CHD5: variants seen among roughly 807,000 people sequenced by gnomAD.
The protein encoded by CHD5 is ATP-dependent chromatin remodeler CHD5.
CHD5 carries 69 observed loss-of-function variants against 230.3 expected under a neutral mutation model. The ratio of observed to expected loss-of-function variants is 0.30; its 90% CI spans 0.25 to 0.37. The LOEUF is 0.37. Among genes scored for constraint, CHD5 ranks in the 10% least tolerant of loss-of-function variants. The pLI, the probability that CHD5 is intolerant of heterozygous loss-of-function variation, is 1.00. For synonymous variants in CHD5, 1,064 were observed against 1,065.9 expected, an observed-to-expected ratio of 1.00 and a Z score of 0.03; for missense variants, 1,827 against 2,622.8, an observed-to-expected ratio of 0.70 and a Z score of 6.63.
At chr1:6,179,853 G>GCGCCGCCCC (rs1667486508) in intron 1 of CHD5, 92 bp downstream of exon 1, 1 of 539,150 alleles carries the variant, frequency 1.9e-6, no homozygotes, top group Non-Finnish European at 2.3e-6. Context: ...CAGCCCGGCC[G>GCGCCGCCCC]CGCCGCCCCC....
At chr1:6,148,776 G>A in intron 9 of CHD5, 78 bp downstream of exon 9, 2 of 1,273,056 alleles carry the variant, frequency 1.6e-6, no homozygotes, top group East Asian at 2.9e-5. Flanking sequence ...TTTTGAGGAG[G>A]GCAGGCCTTC....
In CHD5 at chr1:6,128,754, G is replaced by T; in HGVS notation, c.3619+84C>A. 1 of 1,314,274 alleles carries T rather than the reference G, an allele frequency of 7.6e-7. No individual in the cohort carries two copies. Among genetic ancestry groups the T allele is most frequent in the Non-Finnish European group, 1.1e-6 (1 of 926,302 alleles). 81.4% of individuals were successfully genotyped at this position (1,314,274 alleles called of 1,614,324 possible). A position where few individuals can be genotyped will look rare whatever the true frequency, so the allele number is the denominator to read the frequency against. ...GAAGAGAGGCTGTGTGTTGGAGCGG[G>T]CAGGGACCCAAGCAAGCCCTGGATG... On this transcript the variant is annotated intron_variant, in intron 23 of 41. Transcript: ENST00000262450. The surrounding 1 kb of genome is among the most constrained non-coding windows in gnomAD (Gnocchi z 7.8).
At chr1:6,170,279 C>G (rs2100884109) in intron 1 of CHD5, among the ~76,000 whole-genome samples, 1 of 152,268 alleles carries the variant, frequency 6.6e-6, no homozygotes, top group South Asian at 2.1e-4. Flanking sequence ...ACCTGTCACC[C>G]TCCACACAGG....
intron 11 of CHD5, among the ~76,000 whole-genome samples, chr1:6,144,647 G>A (rs1666882127): frequency 1.3e-5 from 2 of 152,222 alleles, no homozygotes; most frequent in Admixed American, 6.5e-5. Flanking sequence ...CTCTTCTGGG[G>A]ACACAAAGAC....
rs957642989 is a variant in CHD5 at position 6,128,276 on chromosome 1, T to C, written c.3731-58A>G. ...AGACTGCCCTGGTCCAGCCCCGGGG[T>C]CCCAGGAACAGACTCCCAACAATGG... On this transcript the variant is annotated intron_variant, in intron 24 of 41. Coordinates refer to ENST00000262450, the MANE Select transcript of CHD5 (RefSeq NM_015557.3). The surrounding 1 kb of genome is among the most constrained non-coding windows in gnomAD (Gnocchi z 7.8). 95 of 1,546,350 alleles carry C rather than the reference T, an allele frequency of 6.1e-5. No homozygotes were observed. In the South Asian group the frequency reaches 7.5e-4, roughly 12 times the overall value.
rs1666643362 is a variant in CHD5 at position 6,130,864 on chromosome 1, A to T, written c.3263-536T>A. Among the ~76,000 whole-genome samples, 1 of 152,164 alleles carries T rather than the reference A, an allele frequency of 6.6e-6. No homozygotes were observed. Among genetic ancestry groups the T allele is most frequent in the South Asian group, 2.1e-4 (1 of 4,836 alleles). On this transcript the variant is annotated intron_variant, in intron 21 of 41. Transcript: ENST00000262450. This position sits in a 1 kb window ranked among gnomAD's most constrained non-coding sequence, Gnocchi z 4.9. ...GACCACAGCCCCCACTGGAGCTGCA[A>T]ACAGGCCCCTGGCACACCCAGGGCT...
chr1:6,161,145 AAGGGTGGCAGAAGGAAAG>A (rs1667171696), intron 2 of CHD5, among the ~76,000 whole-genome samples: 1 of 150,424 alleles, frequency 6.6e-6, no homozygotes, highest in African/African-American at 2.5e-5. Flanking sequence ...AAGGAAAGGA[AAGGGTGGCAGAAGGAAAG>A]AGAATGAGGA....
At chr1:6,147,261 T>C (rs1203138711) in intron 9 of CHD5, among the ~76,000 whole-genome samples, 1 of 152,152 alleles carries the variant, frequency 6.6e-6, no homozygotes, top group Non-Finnish European at 1.5e-5. Flanking sequence ...GTCTTCCCAT[T>C]GCCCCCTGAA....
At chr1:6,148,600 A>G (rs937427787) in intron 9 of CHD5, among the ~76,000 whole-genome samples, 1 of 152,168 alleles carries the variant, frequency 6.6e-6, no homozygotes, top group Non-Finnish European at 1.5e-5. Context: ...TGGCATGATC[A>G]CCACACCTGT....
At chr1:6,151,269 T>C in intron 6 of CHD5, 114 bp from the exon 7 acceptor site, 1 of 1,259,182 alleles carries the variant, frequency 7.9e-7, no homozygotes, top group Non-Finnish European at 1.1e-6. Context: ...CACAGTGCTC[T>C]CTGTGATTCA....
rs1222788379 is a variant in CHD5, at chr1:6,179,959, T to C, written c.65A>G (p.Glu22Gly). 2.2e-6 allele frequency: 3 copies of C among 1,363,014 alleles called. No individual in the cohort carries two copies. Among genetic ancestry groups the C allele is most frequent in the Non-Finnish European group, 2.9e-6 (3 of 1,042,812 alleles). The allele number at this position is 1,363,014 out of a possible 1,614,324, so 84.4% of individuals were successfully genotyped here. A position where few individuals can be genotyped will look rare whatever the true frequency, so the allele number is the denominator to read the frequency against. Residue 22 changes from glutamate to glycine, a missense_variant, in exon 1 of 42, where the codon GAG becomes GGG. Transcript: ENST00000262450. ...PRLFAEEMEN[E>G]DEMSEEEDGG... ...GCCCCGCTCACCTGACATCTCGTCC[T>C]CATTCTCCATCTCCTCGGCGAACAG... is the stretch of plus-strand genomic sequence containing the variant.
rs758113120 is a variant in CHD5, at chr1:6,136,848, T to C, written c.2454A>G (p.Lys818=). Residue 818 remains lysine (K), a synonymous_variant, in exon 16 of 42, where the codon AAA becomes AAG. Coordinates refer to ENST00000262450, the MANE Select transcript of CHD5 (RefSeq NM_015557.3). ...CATAGGAGGTGAGCAGCACGTGGAA[T>C]TTGATCTGCACTTCTTTCTGGAGAA... is the stretch of plus-strand genomic sequence containing the variant. ...VFRMKKEVQI[K]FHVLLTSYEL... 6.2e-7 allele frequency: 1 copy of C among 1,610,006 alleles called. No homozygotes were observed. The highest frequency in any genetic ancestry group is 2.2e-5 in the East Asian group (1 of 44,744).
Position 6,159,392 on chromosome 1 carries a change from C to T in CHD5, c.331G>A (p.Ala111Thr). The T allele has an allele frequency of 6.4e-7, 1 of 1,553,260 alleles. No homozygotes were observed. The highest frequency in any genetic ancestry group is 1.4e-5 in the African/African-American group (1 of 73,204). Residue 111 changes from alanine (A) to threonine (T), a missense_variant, in exon 3 of 42, where the codon GCC becomes ACC. This residue lies in a region of CHD5 where 657 missense variants were observed against 816.4 expected (regional missense o/e 0.80). Coordinates refer to ENST00000262450, the MANE Select transcript of CHD5 (RefSeq NM_015557.3). Reference protein sequence around the residue: ...KKLKDKKEKKAKRKKKDEDED... With the variant: ...KKLKDKKEKKTKRKKKDEDED... ...TCCTCATCCTTCTTTTTTCGCTTGG[C>T]TTTTTTCTCCTTCTTGTCCTTGAGT...
intron 6 of CHD5, among the ~76,000 whole-genome samples, chr1:6,151,792 C>CT (rs1158082109): frequency 2.6e-5 from 4 of 152,004 alleles, no homozygotes; most frequent in African/African-American, 9.7e-5. Context: ...CCAACTCCAC[C>CT]CACCGCAGGG....
intron 15 of CHD5, among the ~76,000 whole-genome samples, chr1:6,141,726 G>A (rs115354623): frequency 0.014 from 2,147 of 152,296 alleles, 43 homozygotes; most frequent in African/African-American, 0.048. Flanking sequence ...GACACAAACG[G>A]GAAAACCCCA....
chr1:6,138,685 T>C (rs2785585), intron 15 of CHD5, among the ~76,000 whole-genome samples: 2 of 152,068 alleles, frequency 1.3e-5, no homozygotes, highest in Middle Eastern at 3.2e-3. Context: ...TGCTATGAGA[T>C]CTCAAAGAGC....
Position 6,105,458 on chromosome 1 carries a change from G to A in CHD5, c.*47-31C>T. The A allele has an allele frequency of 2.1e-6, 1 of 469,558 alleles. No individual in the cohort carries two copies. Among genetic ancestry groups the A allele is most frequent in the South Asian group, 1.6e-5 (1 of 64,318 alleles). The allele number at this position is 469,558 out of a possible 1,614,324, so 29.1% of individuals were successfully genotyped here. A position where few individuals can be genotyped will look rare whatever the true frequency, so the allele number is the denominator to read the frequency against. On this transcript the variant is annotated intron_variant, in intron 41 of 41. Coordinates refer to ENST00000262450, the MANE Select transcript of CHD5 (RefSeq NM_015557.3). This position sits in a 1 kb window ranked among gnomAD's most constrained non-coding sequence, Gnocchi z 4.8. Reference sequence around the variant, plus strand: ...AAACGCAAATCAGTGGGTTAAGCAGGTGGGCAGTTATAGGGGGCATCAGGG... The same window carrying A: ...AAACGCAAATCAGTGGGTTAAGCAGATGGGCAGTTATAGGGGGCATCAGGG...
chr1:6,109,462 C>T (rs952608626), intron 38 of CHD5, among the ~76,000 whole-genome samples: 1 of 152,212 alleles, frequency 6.6e-6, no homozygotes, highest in Non-Finnish European at 1.5e-5. Flanking sequence ...ATGGGTATTG[C>T]CCGGGCTAAA....
At position 6,148,998 on chromosome 1, in the gene CHD5, G is replaced by A. The variant is rs1434929446; in HGVS notation, c.1239C>T (p.Asp413=). ...ACACGCGGCAGAACTCCATGTGGTCGTCCTCCTCCTCCTCGCAGCCGCCCT... is the reference window on the plus strand; with the variant it reads ...ACACGCGGCAGAACTCCATGTGGTCATCCTCCTCCTCCTCGCAGCCGCCCT... The part of the protein sequence containing the change: ...EEEGGCEEEE[D]DHMEFCRVCK... Residue 413 remains aspartate, a synonymous_variant, in exon 9 of 42, where the codon GAC becomes GAT. Coordinates refer to ENST00000262450, the MANE Select transcript of CHD5 (RefSeq NM_015557.3). The A allele has an allele frequency of 3.1e-6, 5 of 1,606,706 alleles. No individual in the cohort carries two copies. The African/African-American group carries it at 6.7e-5, about 22-fold the overall frequency.
Sources: gnomAD v4.1 joint callset for allele counts (sites outside exome capture counted in the v4.1 genomes callset) on GRCh38, gnomAD v4.1.1 for gene constraint, gnomAD v4.1.1 regional missense constraint, Gnocchi (gnomAD v3.1) non-coding constraint, MANE v1.5 for transcripts, NCBI Gene and HGNC (gene_info 2026-07-23, HGNC 2026-07-21) for gene names.